The following RNGTT variants were observed in gnomAD, a reference collection of about 807,000 sequenced individuals.
RNGTT encodes RNA guanylyltransferase and 5'-phosphatase, also known as mRNA-capping enzyme.
A neutral mutation model predicts 79.3 loss-of-function variants in RNGTT; 33 were observed. The observed-to-expected ratio is 0.42, with a 90% CI of 0.32 to 0.56. RNGTT has a LOEUF of 0.56. Ranked by LOEUF, RNGTT falls within the 20% of genes least tolerant of loss-of-function variation. RNGTT has a pLI of 0.17. For synonymous variants in RNGTT, 222 were observed against 235.9 expected (o/e 0.94, Z 0.54); for missense variants, 497 against 739.1 (o/e 0.67, Z 3.80).
chr6:88,625,414 A>T (rs1434574289), intron 14 of RNGTT, among the ~76,000 whole-genome samples: 2 of 152,046 alleles, frequency 1.3e-5, no homozygotes, highest in African/African-American at 2.4e-5. Flanking sequence ...TTAGTAAACT[A>T]TTGATAAATA....
In RNGTT at chr6:88,916,936, A is replaced by C. The variant is rs138077452; in HGVS notation, c.368-10496T>G. On this transcript the variant is annotated intron_variant, in intron 4 of 15. Coordinates refer to ENST00000369485, the MANE Select transcript of RNGTT (RefSeq NM_003800.5). Reference sequence around the variant, plus strand: ...CTGCCCAAAGGTAAAAACAACCTTGATGTGATTGTACTTACTTGTTCTACT... The same window carrying C: ...CTGCCCAAAGGTAAAAACAACCTTGCTGTGATTGTACTTACTTGTTCTACT... 3.2e-4 allele frequency among the ~76,000 whole-genome samples: 49 copies of C among 152,332 alleles called. 1 individual carries two copies. In the East Asian group the frequency reaches 9.1e-3, roughly 28 times the overall value.
intron 13 of RNGTT, among the ~76,000 whole-genome samples, chr6:88,753,259 C>A (rs1231174403): frequency 5.9e-5 from 9 of 152,166 alleles, no homozygotes; most frequent in Non-Finnish European, 1.3e-4. Flanking sequence ...ACACCTAGCA[C>A]TTTGGGAGGT....
At chr6:88,635,885 T>C (rs746493290) in intron 14 of RNGTT, among the ~76,000 whole-genome samples, 9 of 152,188 alleles carry the variant, frequency 5.9e-5, no homozygotes, top group Middle Eastern at 3.4e-3. Flanking sequence ...TGAGCAGATA[T>C]ATGCTACCAT....
chr6:88,905,793 A>G (rs970924090), intron 5 of RNGTT, among the ~76,000 whole-genome samples: 2 of 152,200 alleles, frequency 1.3e-5, no homozygotes, highest in Non-Finnish European at 1.5e-5. Context: ...AAAAAATCTG[A>G]AAAAGTGAAT....
At chr6:88,760,091 A>C (rs931323729) in intron 13 of RNGTT, among the ~76,000 whole-genome samples, 4 of 152,306 alleles carry the variant, frequency 2.6e-5, no homozygotes, top group African/African-American at 9.6e-5. Context: ...TTATAAAACA[A>C]AGGTGATATA....
intron 14 of RNGTT, among the ~76,000 whole-genome samples, chr6:88,629,067 T>C (rs746244864): frequency 6.6e-6 from 1 of 151,868 alleles, no homozygotes; most frequent in Non-Finnish European, 1.5e-5. Flanking sequence ...CAATACTAGT[T>C]TGGAGAAAAG....
At chr6:88,665,562 G>A (rs916874356) in intron 14 of RNGTT, among the ~76,000 whole-genome samples, 7 of 152,322 alleles carry the variant, frequency 4.6e-5, no homozygotes, top group African/African-American at 1.7e-4. Flanking sequence ...GCCAGCTAAG[G>A]ACAGCTGGTT....
chr6:88,699,636 G>A (rs1036025855), intron 13 of RNGTT, among the ~76,000 whole-genome samples: 1 of 152,094 alleles, frequency 6.6e-6, no homozygotes, highest in African/African-American at 2.4e-5. Context: ...CTGTACTCAG[G>A]TCTGGGCAAC....
At chr6:88,959,468 A>G (rs908835453) in intron 1 of RNGTT, among the ~76,000 whole-genome samples, 30 of 152,056 alleles carry the variant, frequency 2.0e-4, no homozygotes, top group Non-Finnish European at 3.5e-4. Flanking sequence ...AATATCAACT[A>G]TCTCATGTGC....
chr6:88,720,651 A>C (rs890512686), intron 13 of RNGTT, among the ~76,000 whole-genome samples: 8 of 152,170 alleles, frequency 5.3e-5, no homozygotes, highest in Non-Finnish European at 1.2e-4. Flanking sequence ...CTATGTCATT[A>C]ATGAAATTAT....
intron 11 of RNGTT, among the ~76,000 whole-genome samples, chr6:88,807,019 C>G (rs1779980075): frequency 6.6e-6 from 1 of 152,314 alleles, no homozygotes; most frequent in East Asian, 1.9e-4. Context: ...AATGTCCTCA[C>G]TTATAAGTGG....
intron 14 of RNGTT, among the ~76,000 whole-genome samples, chr6:88,615,792 G>A (rs1772195619): frequency 6.6e-6 from 1 of 152,186 alleles, no homozygotes; most frequent in Admixed American, 6.5e-5. Context: ...AATTGAAAGT[G>A]CCTGGGACAT....
chr6:88,724,673 A>G (rs1776825857), intron 13 of RNGTT, among the ~76,000 whole-genome samples: 1 of 152,158 alleles, frequency 6.6e-6, no homozygotes. Flanking sequence ...CTCTTTTGAG[A>G]ATTGTCAGGC....
At chr6:88,702,014 G>A (rs1229954290) in intron 13 of RNGTT, among the ~76,000 whole-genome samples, 1 of 152,078 alleles carries the variant, frequency 6.6e-6, no homozygotes, top group South Asian at 2.1e-4. Context: ...AACTAAGGAG[G>A]TGACAGGTCT....
chr6:88,808,955 T>G (rs1291845236), intron 11 of RNGTT, among the ~76,000 whole-genome samples: 1 of 140,352 alleles, frequency 7.1e-6, no homozygotes, highest in Non-Finnish European at 1.6e-5. Flanking sequence ...AGATCCCTCT[T>G]AAAAAAAAAA....
chr6:88,729,161 GTC>G (rs1322022571), intron 13 of RNGTT, among the ~76,000 whole-genome samples: 3 of 152,172 alleles, frequency 2.0e-5, no homozygotes, highest in Admixed American at 1.3e-4. Context: ...CTCACTTTGT[GTC>G]TCTCACGACA....
intron 12 of RNGTT, among the ~76,000 whole-genome samples, chr6:88,775,560 G>A (rs191478615): frequency 9.9e-5 from 15 of 152,128 alleles, no homozygotes; most frequent in East Asian, 3.9e-4. Flanking sequence ...CACAGAAGAC[G>A]GTACAGTTAG....
chr6:88,680,494 C>A (rs933841704), intron 13 of RNGTT, among the ~76,000 whole-genome samples: 2 of 152,132 alleles, frequency 1.3e-5, no homozygotes, highest in African/African-American at 4.8e-5. Context: ...GTAATCCCAG[C>A]ACTTTGGGAA....
chr6:88,914,196 ATGTCCATAT>A (rs1783923677), intron 4 of RNGTT, among the ~76,000 whole-genome samples: 1 of 152,232 alleles, frequency 6.6e-6, no homozygotes, highest in Non-Finnish European at 1.5e-5. Context: ...TATCGTTAAA[ATGTCCATAT>A]TGTCCAAAGC....
Sources: gnomAD v4.1 joint callset for allele counts (sites outside exome capture counted in the v4.1 genomes callset) on GRCh38, gnomAD v4.1.1 for gene constraint, MANE v1.5 for transcripts, NCBI Gene and HGNC (gene_info 2026-07-23, HGNC 2026-07-21) for gene names.